DNM3: variants seen among roughly 807,000 people sequenced by gnomAD.
DNM3 encodes the protein dynamin 3, also known as dynamin-3.
In DNM3, 47 loss-of-function variants were observed where a neutral mutation model predicts 101.6. The observed-to-expected ratio is 0.46, with a 90% CI of 0.37 to 0.59. The LOEUF is 0.59. Among genes scored for constraint, DNM3 ranks in the 20% least tolerant of loss-of-function variants. The pLI, the probability that DNM3 is intolerant of heterozygous loss-of-function variation, is 0.00. For synonymous variants in DNM3, 385 were observed against 387.9 expected, an observed-to-expected ratio of 0.99 and a Z score of 0.09; for missense variants, 849 against 1,085.7, an observed-to-expected ratio of 0.78 and a Z score of 3.06.
intron 6 of DNM3, among the ~76,000 whole-genome samples, chr1:172,035,265 G>A (rs1333328119): frequency 6.6e-6 from 1 of 152,092 alleles, no homozygotes; most frequent in African/African-American, 2.4e-5. Flanking sequence ...TTGAGCTTGA[G>A]ATATCATTGA....
chr1:172,036,251 C>T (rs561365969), intron 6 of DNM3, among the ~76,000 whole-genome samples: 12 of 145,616 alleles, frequency 8.2e-5, no homozygotes, highest in East Asian at 2.1e-4. Flanking sequence ...TGAGAACATG[C>T]GGTGTTTGGT....
chr1:172,072,889 AAAC>A (rs796914823), intron 11 of DNM3, among the ~76,000 whole-genome samples: 168 of 152,332 alleles, frequency 1.1e-3, no homozygotes, highest in African/African-American at 3.6e-3. Context: ...TTGTCTCAAA[AAAC>A]AACAACAAAA....
intron 6 of DNM3, among the ~76,000 whole-genome samples, chr1:172,037,933 C>A (rs768842339): frequency 6.6e-6 from 1 of 152,196 alleles, no homozygotes; most frequent in Non-Finnish European, 1.5e-5. Flanking sequence ...TGACTCCTAG[C>A]TTCCTTCATT....
intron 15 of DNM3, among the ~76,000 whole-genome samples, chr1:172,303,240 A>G (rs1243954086): frequency 1.3e-5 from 2 of 152,348 alleles, no homozygotes; most frequent in Non-Finnish European, 2.9e-5. Context: ...TGCATGCACA[A>G]GCTTCAGTAG....
intron 2 of DNM3, among the ~76,000 whole-genome samples, chr1:171,964,800 C>T (rs1279228770): frequency 1.3e-5 from 2 of 151,670 alleles, no homozygotes; most frequent in Non-Finnish European, 2.9e-5. Context: ...ACAAGAGGGG[C>T]GAAAAGGCTT....
chr1:172,359,125 A>AAAC (rs1553244161), intron 17 of DNM3, among the ~76,000 whole-genome samples: 1 of 145,704 alleles, frequency 6.9e-6, no homozygotes, highest in East Asian at 2.1e-4. Flanking sequence ...ACTCCCACAA[A>AAAC]ACACACACAC....
chr1:172,346,599 A>C (rs2066952836), intron 17 of DNM3, among the ~76,000 whole-genome samples: 1 of 152,168 alleles, frequency 6.6e-6, no homozygotes, highest in Non-Finnish European at 1.5e-5. Context: ...GGATAGACAG[A>C]CTTCTGTTTT....
chr1:172,204,711 G>A (rs2060269045), intron 14 of DNM3, among the ~76,000 whole-genome samples: 2 of 152,078 alleles, frequency 1.3e-5, no homozygotes, highest in African/African-American at 4.8e-5. Flanking sequence ...AAATCCTGAT[G>A]GTCTTTTCTT....
chr1:172,207,068 A>G (rs1446812502), intron 14 of DNM3, among the ~76,000 whole-genome samples: 1 of 151,542 alleles, frequency 6.6e-6, no homozygotes, highest in Admixed American at 6.6e-5. Context: ...GTACCCACTC[A>G]TTACACATTC....
At chr1:171,896,130 TTGGTTCCATA>T (rs985560239) in intron 1 of DNM3, among the ~76,000 whole-genome samples, 23 of 152,216 alleles carry the variant, frequency 1.5e-4, no homozygotes, top group African/African-American at 5.5e-4. Context: ...GGGCTCCTTT[TTGGTTCCATA>T]TGAACTTTAA....
At chr1:172,336,919 C>A (rs955348855) in intron 17 of DNM3, among the ~76,000 whole-genome samples, 4 of 152,116 alleles carry the variant, frequency 2.6e-5, no homozygotes, top group Non-Finnish European at 5.9e-5. Context: ...ATCTACCTCA[C>A]GAGGACTAAA....
chr1:172,217,559 T>G (rs2060749541), intron 14 of DNM3, among the ~76,000 whole-genome samples: 1 of 152,154 alleles, frequency 6.6e-6, no homozygotes, highest in African/African-American at 2.4e-5. Context: ...TATTTTCTTG[T>G]GCCCACTGCC....
At chr1:172,113,724 A>G (rs2055681185) in intron 13 of DNM3, among the ~76,000 whole-genome samples, 1 of 152,022 alleles carries the variant, frequency 6.6e-6, no homozygotes, top group South Asian at 2.1e-4. Context: ...AAAGTGCCCA[A>G]AGCGTTTACA....
At chr1:172,132,747 G>T in intron 14 of DNM3, 1 of 573,016 alleles carries the variant, frequency 1.7e-6, no homozygotes. Flanking sequence ...GTGATGGCTA[G>T]TGTTTTATAT....
intron 1 of DNM3, among the ~76,000 whole-genome samples, chr1:171,916,248 T>C (rs1485481366): frequency 1.3e-5 from 2 of 152,218 alleles, no homozygotes; most frequent in Admixed American, 6.5e-5. Context: ...TCTGACTTTT[T>C]TGTGCCTCTG....
chr1:172,153,677 T>TA (rs141761156), intron 14 of DNM3, among the ~76,000 whole-genome samples: 3 of 152,066 alleles, frequency 2.0e-5, no homozygotes, highest in Admixed American at 6.6e-5. Context: ...AGGTTATTGG[T>TA]AAAAAAATGT....
At chr1:172,272,424 G>A (rs550620793) in intron 15 of DNM3, among the ~76,000 whole-genome samples, 1 of 152,236 alleles carries the variant, frequency 6.6e-6, no homozygotes, top group Non-Finnish European at 1.5e-5. Context: ...ATGACCATCA[G>A]TCAGTACCTC....
chr1:171,848,188 C>G (rs866586421), intron 1 of DNM3, among the ~76,000 whole-genome samples: 12 of 152,262 alleles, frequency 7.9e-5, no homozygotes, highest in Middle Eastern at 3.4e-3. Context: ...CTCCCTCCAA[C>G]CCTCACCCTG....
intron 10 of DNM3, among the ~76,000 whole-genome samples, chr1:172,067,565 C>T (rs1448442880): frequency 2.0e-5 from 3 of 152,152 alleles, no homozygotes; most frequent in Admixed American, 1.3e-4. Flanking sequence ...CATGCCTTCA[C>T]ACATGTTCCT....
Sources: gnomAD v4.1 joint callset for allele counts (sites outside exome capture counted in the v4.1 genomes callset) on GRCh38, gnomAD v4.1.1 for gene constraint, MANE v1.5 for transcripts, NCBI Gene and HGNC (gene_info 2026-07-23, HGNC 2026-07-21) for gene names.